Variants in DCDC1 observed in about 807,000 individuals in gnomAD.
DCDC1 encodes doublecortin domain containing 1.
A neutral mutation model predicts 178.3 loss-of-function variants in DCDC1; 200 were observed. The observed-to-expected ratio is 1.12, with a 90% CI of 1.00 to 1.26. The LOEUF (loss-of-function observed/expected upper bound fraction) is 1.26. DCDC1 is among the 50% of genes most tolerant of loss of function. The probability of loss-of-function intolerance (pLI) is 0.00; values close to 1 mark genes in which losing one functional copy is unlikely to be tolerated. For missense variants in DCDC1, 1,983 were observed against 1,749.2 expected, an observed-to-expected ratio of 1.13 and a Z score of -2.38; for synonymous variants, 690 against 604.8, an observed-to-expected ratio of 1.14 and a Z score of -2.07.
intron 21 of DCDC1, among the ~76,000 whole-genome samples, chr11:30,936,560 C>A (rs1947291170): frequency 6.6e-6 from 1 of 152,080 alleles, no homozygotes; most frequent in African/African-American, 2.4e-5. Context: ...CAAAGGGCAG[C>A]CTGAAAGTTG....
At chr11:31,206,593 T>TA (rs1971895132) in intron 9 of DCDC1, among the ~76,000 whole-genome samples, 1 of 152,084 alleles carries the variant, frequency 6.6e-6, no homozygotes, top group Admixed American at 6.6e-5. Context: ...TTTTGTACTT[T>TA]TAGTAAAGAT....
chr11:31,055,149 C>A (rs1415585875), intron 20 of DCDC1, among the ~76,000 whole-genome samples: 1 of 151,844 alleles, frequency 6.6e-6, no homozygotes, highest in Non-Finnish European at 1.5e-5. Flanking sequence ...AAGAAAAAAA[C>A]AAACAATCCC....
chr11:31,088,482 C>T (rs891324517), intron 17 of DCDC1, among the ~76,000 whole-genome samples: 2 of 151,548 alleles, frequency 1.3e-5, no homozygotes, highest in Non-Finnish European at 2.9e-5. Context: ...TTAATGATTG[C>T]TTTGGTGATT....
chr11:30,872,333 C>T (rs1300050632), intron 38 of DCDC1, among the ~76,000 whole-genome samples: 1 of 152,066 alleles, frequency 6.6e-6, no homozygotes, highest in Non-Finnish European at 1.5e-5. Context: ...TTGAGATGTG[C>T]TGTAAGTGTA....
At position 30,864,323 on chromosome 11, in the gene DCDC1, G is replaced by A. The variant is rs1229087738; in HGVS notation, c.*1050C>T. 6.6e-6 allele frequency: 1 copy of A among 152,150 alleles called. No homozygotes were observed. Among genetic ancestry groups the A allele is most frequent in the Non-Finnish European group, 1.5e-5 (1 of 68,032 alleles). The allele number at this position is 152,150 out of a possible 1,614,324, so 9.4% of individuals were successfully genotyped here. ...CAAACTTGGGATTTGAAACCAATAT[G>A]TATAATCATCAAAGATATATTTTAA... is the stretch of plus-strand genomic sequence containing the variant. On this transcript the variant is annotated 3_prime_UTR_variant, in exon 39 of 39. Coordinates refer to ENST00000684477, the MANE Select transcript of DCDC1 (RefSeq NM_001387274.1).
intron 37 of DCDC1, among the ~76,000 whole-genome samples, chr11:30,879,494 T>C (rs527487765): frequency 6.6e-6 from 1 of 152,312 alleles, no homozygotes; most frequent in South Asian, 2.1e-4. Context: ...GGAACATATA[T>C]AGCTCATTGG....
At position 31,137,778 on chromosome 11, in the gene DCDC1, G is replaced by C; in HGVS notation, c.1228C>G (p.Leu410Val). 1.4e-6 allele frequency: 1 copy of C among 701,862 alleles called. No homozygotes were observed. Among genetic ancestry groups the C allele is most frequent in the Non-Finnish European group, 2.6e-6 (1 of 384,560 alleles). 43.5% of individuals were successfully genotyped at this position (701,862 alleles called of 1,614,324 possible). Reference protein sequence around the residue: ...SAKKYYKQLNLVMNEQKEKIT... With the variant: ...SAKKYYKQLNVVMNEQKEKIT... ...TTCTCCTTCTGTTCATTCATGACCA[G>C]GTTCAACTAGAAAAAACAAATAAAC... is the stretch of plus-strand genomic sequence containing the variant. Residue 410 changes from leucine (L) to valine (V), a missense_variant, in exon 10 of 39, where the codon CTG becomes GTG. Physicochemically the swap from Leu to Val is conservative, Grantham distance 32. Transcript: ENST00000684477.
chr11:30,971,500 G>A (rs993685732), intron 20 of DCDC1, among the ~76,000 whole-genome samples: 67 of 149,904 alleles, frequency 4.5e-4, no homozygotes, highest in African/African-American at 1.6e-3. Flanking sequence ...CAAATCCTAG[G>A]AATGAAATAA....
intron 7 of DCDC1, among the ~76,000 whole-genome samples, chr11:31,271,322 G>C (rs1282861388): frequency 2.0e-5 from 3 of 152,090 alleles, no homozygotes; most frequent in East Asian, 3.9e-4. Context: ...AAAGCAGTTT[G>C]TATTATCCAT....
intron 1 of DCDC1, among the ~76,000 whole-genome samples, chr11:31,364,905 C>A (rs1951885183): frequency 1.3e-5 from 2 of 151,552 alleles, no homozygotes; most frequent in South Asian, 4.2e-4. Context: ...TCCTTCAAAA[C>A]ACTATTTAAA....
intron 20 of DCDC1, among the ~76,000 whole-genome samples, chr11:31,004,212 C>T (rs551478000): frequency 4.6e-5 from 7 of 152,092 alleles, no homozygotes; most frequent in African/African-American, 1.7e-4. Context: ...ACAAATGGAA[C>T]CAAAATTTGC....
intron 9 of DCDC1, among the ~76,000 whole-genome samples, chr11:31,152,923 T>C (rs980869550): frequency 6.6e-6 from 1 of 152,212 alleles, no homozygotes; most frequent in African/African-American, 2.4e-5. Context: ...GTGTGGGAAC[T>C]GAGAGAAAGA....
chr11:31,012,448 T>C (rs1213477042), intron 20 of DCDC1, among the ~76,000 whole-genome samples: 1 of 151,690 alleles, frequency 6.6e-6, no homozygotes, highest in Non-Finnish European at 1.5e-5. Context: ...AAAATATATA[T>C]ATTTTTAATT....
rs1002170142 is a variant in DCDC1 at position 31,127,894 on chromosome 11, T to A, written c.1315-255A>T. Among the ~76,000 whole-genome samples the A allele has an allele frequency of 2.0e-5, 3 of 152,222 alleles. No homozygotes were observed. In the South Asian group the frequency reaches 6.2e-4, roughly 32 times the overall value. On this transcript the variant is annotated intron_variant, in intron 10 of 38. Coordinates refer to ENST00000684477, the MANE Select transcript of DCDC1 (RefSeq NM_001387274.1). ...CTTTACAATTGTTGAATGAAAAATATCTCTGGATATGAAAAGAAACATATA... is the reference window on the plus strand; with the variant it reads ...CTTTACAATTGTTGAATGAAAAATAACTCTGGATATGAAAAGAAACATATA...
intron 9 of DCDC1, among the ~76,000 whole-genome samples, chr11:31,139,082 G>A (rs943052891): frequency 6.6e-6 from 1 of 151,950 alleles, no homozygotes; most frequent in African/African-American, 2.4e-5. Context: ...TGCCATTGTA[G>A]CATGAAATAG....
intron 11 of DCDC1, among the ~76,000 whole-genome samples, chr11:31,120,064 A>G (rs1960573729): frequency 6.6e-6 from 1 of 152,184 alleles, no homozygotes; most frequent in Admixed American, 6.6e-5. Flanking sequence ...CTATTCATTT[A>G]AAATCTTCTT....
chr11:30,922,735 C>A lies in DCDC1; in HGVS notation c.2998-97G>T, dbSNP rs546129985. 2.6e-4 allele frequency: 319 copies of A among 1,216,884 alleles called. 1 individual carries two copies. The African/African-American group carries it at 4.2e-3, about 16-fold the overall frequency. The allele number at this position is 1,216,884 out of a possible 1,614,324, so 75.4% of individuals were successfully genotyped here. ...AAACAATTAAAAAAATCAAAATGTC[C>A]TATTAATATAATAGGTGAATGATTA... is the stretch of plus-strand genomic sequence containing the variant. On this transcript the variant is annotated intron_variant, in intron 23 of 38. Transcript: ENST00000684477.
chr11:30,997,936 C>T (rs1951357727), intron 20 of DCDC1, among the ~76,000 whole-genome samples: 1 of 151,774 alleles, frequency 6.6e-6, no homozygotes, highest in Non-Finnish European at 1.5e-5. Context: ...TATATTGCAG[C>T]AAGGAACCAC....
At chr11:31,367,970 T>A (rs558683334) in intron 1 of DCDC1, among the ~76,000 whole-genome samples, 1 of 152,174 alleles carries the variant, frequency 6.6e-6, no homozygotes, top group African/African-American at 2.4e-5. Context: ...TGCTATAATT[T>A]AAAAGATATT....
Sources: gnomAD v4.1 joint callset for allele counts (sites outside exome capture counted in the v4.1 genomes callset) on GRCh38, gnomAD v4.1.1 for gene constraint, MANE v1.5 for transcripts, NCBI Gene and HGNC (gene_info 2026-07-23, HGNC 2026-07-21) for gene names.